The following RAB2A variants were observed in gnomAD, a reference collection of about 807,000 sequenced individuals.
RAB2A encodes the protein ras-related protein Rab-2A.
A neutral mutation model predicts 32.5 loss-of-function variants in RAB2A; 7 were observed. The ratio of observed to expected loss-of-function variants is 0.22; its 90% CI spans 0.12 to 0.40. The LOEUF (loss-of-function observed/expected upper bound fraction) is 0.40. Among genes scored for constraint, RAB2A ranks in the 10% least tolerant of loss-of-function variants. The probability of loss-of-function intolerance (pLI) is 1.00; values close to 1 mark genes in which losing one functional copy is unlikely to be tolerated. For synonymous variants in RAB2A, 79 were observed against 85.2 expected (o/e 0.93, Z 0.40); for missense variants, 108 against 260.7 (o/e 0.41, Z 4.03).
At chr8:60,578,180 T>A (rs1386198712) in intron 3 of RAB2A, among the ~76,000 whole-genome samples, 2 of 152,170 alleles carry the variant, frequency 1.3e-5, no homozygotes, top group African/African-American at 4.8e-5. Context: ...TTGGGATCAA[T>A]CCAGGTAACA....
chr8:60,588,873 G>C (rs1803889524), intron 5 of RAB2A, among the ~76,000 whole-genome samples: 1 of 152,108 alleles, frequency 6.6e-6, no homozygotes, highest in African/African-American at 2.4e-5. Context: ...TAGAAATTGA[G>C]ATTTGCTATT....
intron 6 of RAB2A, among the ~76,000 whole-genome samples, chr8:60,605,401 C>T (rs1320506481): frequency 6.6e-6 from 1 of 152,212 alleles, no homozygotes; most frequent in African/African-American, 2.4e-5. Flanking sequence ...CATAGAGTCC[C>T]CACTGGGGCA....
chr8:60,618,801 A>G lies in RAB2A; in HGVS notation c.543+153A>G, dbSNP rs41272427. The stretch of plus-strand genomic sequence containing the variant: ...CAGTTAACACCATTAGTTTACAGTC[A>G]TCCAACTGAAAAATTGGTATATGTG... On this transcript the variant is annotated intron_variant, in intron 7 of 7. Transcript: ENST00000262646. 4.3e-3 allele frequency: 1,065 copies of G among 248,184 alleles called. 3 individuals are homozygous for G. The highest frequency in any genetic ancestry group is 6.3e-3 in the Non-Finnish European group (885 of 140,770). 15.4% of individuals were successfully genotyped at this position (248,184 alleles called of 1,614,324 possible).
chr8:60,559,452 G>A (rs1333807668), intron 2 of RAB2A, among the ~76,000 whole-genome samples: 1 of 152,124 alleles, frequency 6.6e-6, no homozygotes, highest in Non-Finnish European at 1.5e-5. Flanking sequence ...ATACCACTGG[G>A]CATTTTGTAT....
rs910201046 is a variant in RAB2A, at chr8:60,517,019, C to G, written c.-189C>G. 2 of 511,508 alleles carry G rather than the reference C, an allele frequency of 3.9e-6. No individual in the cohort carries two copies. Among genetic ancestry groups the G allele is most frequent in the East Asian group, 3.6e-5 (1 of 28,108 alleles). 31.7% of individuals were successfully genotyped at this position (511,508 alleles called of 1,614,324 possible). ...GGCTGGGCTCGGTCGGGCGCTGTCT[C>G]CCTCGGCTCTGCGGGTGTCAGTTCG... On this transcript the variant is annotated 5_prime_UTR_variant, in exon 1 of 8. Coordinates refer to ENST00000262646, the MANE Select transcript of RAB2A (RefSeq NM_002865.3).
At chr8:60,546,447 G>A (rs559961158) in intron 1 of RAB2A, among the ~76,000 whole-genome samples, 2 of 152,320 alleles carry the variant, frequency 1.3e-5, no homozygotes, top group African/African-American at 2.4e-5. Context: ...AGAAAAACGA[G>A]TTGCTAGATC....
At chr8:60,574,027 CT>C (rs1808233564) in intron 3 of RAB2A, among the ~76,000 whole-genome samples, 1 of 152,258 alleles carries the variant, frequency 6.6e-6, no homozygotes. Flanking sequence ...TAACACACAT[CT>C]TTGCATTGTG....
intron 1 of RAB2A, among the ~76,000 whole-genome samples, chr8:60,539,948 A>C (rs567412482): frequency 5.4e-4 from 82 of 152,140 alleles, no homozygotes; most frequent in African/African-American, 2.0e-3. Flanking sequence ...ATGAGAAATA[A>C]GGCTGGAAAG....
intron 6 of RAB2A, among the ~76,000 whole-genome samples, chr8:60,601,299 A>G (rs1409738831): frequency 7.6e-6 from 1 of 131,600 alleles, no homozygotes. Context: ...CCTAGCAAAT[A>G]ATAATTAATG....
chr8:60,526,133 T>C (rs1184680644), intron 1 of RAB2A, among the ~76,000 whole-genome samples: 2 of 151,166 alleles, frequency 1.3e-5, no homozygotes, highest in East Asian at 3.9e-4. Context: ...TACGGTTCTA[T>C]AGTTCAGAAG....
At chr8:60,531,926 C>T (rs1807482806) in intron 1 of RAB2A, among the ~76,000 whole-genome samples, 2 of 151,958 alleles carry the variant, frequency 1.3e-5, no homozygotes, top group Admixed American at 1.3e-4. Flanking sequence ...CCACACCCTC[C>T]CGAGTAGCTG....
intron 6 of RAB2A, among the ~76,000 whole-genome samples, chr8:60,593,319 A>AC (rs1317167030): frequency 1.3e-5 from 2 of 152,210 alleles, no homozygotes; most frequent in African/African-American, 4.8e-5. Flanking sequence ...GAGGAATGAC[A>AC]CAGTGATGAT....
At chr8:60,610,632 A>C (rs1184449151) in intron 6 of RAB2A, among the ~76,000 whole-genome samples, 2 of 152,148 alleles carry the variant, frequency 1.3e-5, no homozygotes, top group African/African-American at 4.8e-5. Context: ...TCTCCTCCAC[A>C]TTTTGGTAGA....
chr8:60,519,675 T>C (rs988910415), intron 1 of RAB2A, among the ~76,000 whole-genome samples: 1 of 152,236 alleles, frequency 6.6e-6, no homozygotes, highest in African/African-American at 2.4e-5. Context: ...GTACCTATTA[T>C]ATACTTCTTG....
chr8:60,580,848 T>G (rs1803736917), intron 3 of RAB2A, among the ~76,000 whole-genome samples: 1 of 152,242 alleles, frequency 6.6e-6, no homozygotes, highest in East Asian at 1.9e-4. Flanking sequence ...GTTGTGGATC[T>G]TATAGTAGTA....
chr8:60,613,451 A>T (rs1028310203), intron 6 of RAB2A, among the ~76,000 whole-genome samples: 1 of 152,214 alleles, frequency 6.6e-6, no homozygotes, highest in African/African-American at 2.4e-5. Context: ...CTTTAATACA[A>T]GTCAAAGGAA....
At chr8:60,595,868 A>G (rs1431675121) in intron 6 of RAB2A, among the ~76,000 whole-genome samples, 1 of 152,250 alleles carries the variant, frequency 6.6e-6, no homozygotes, top group African/African-American at 2.4e-5. Flanking sequence ...AAGTATTGAA[A>G]TCATACGGAA....
chr8:60,622,194 CAAGT>C lies in RAB2A; in HGVS notation c.*1426_*1429del. 1 of 152,310 alleles carries C rather than the reference CAAGT, an allele frequency of 6.6e-6. No individual in the cohort carries two copies. The highest frequency in any genetic ancestry group is 1.9e-4 in the East Asian group (1 of 5,186). 9.4% of individuals were successfully genotyped at this position (152,310 alleles called of 1,614,324 possible). The stretch of plus-strand genomic sequence containing the variant: ...TTGTTGATGGTGTAAGCAGTGTAAG[CAAGT>C]GTTTTCTCCTGAACTAGCACAAAAG... On this transcript the variant is annotated 3_prime_UTR_variant, in exon 8 of 8. Coordinates refer to ENST00000262646, the MANE Select transcript of RAB2A (RefSeq NM_002865.3).
At chr8:60,517,370 C>G (rs1807222609) in intron 1 of RAB2A, 117 bp downstream of exon 1, 22 of 988,866 alleles carry the variant, frequency 2.2e-5, no homozygotes, top group Non-Finnish European at 3.0e-5. Context: ...CCCTCCTGGC[C>G]GCGCCGCTCC....
Sources: allele counts gnomAD v4.1 joint callset (sites outside exome capture counted in the v4.1 genomes callset), GRCh38; gene constraint gnomAD v4.1.1; transcripts MANE v1.5; gene names NCBI Gene and HGNC (gene_info 2026-07-23, HGNC 2026-07-21).